Variants in ITGB1 observed in about 807,000 individuals in gnomAD.
ITGB1 encodes the protein integrin subunit beta 1.
In ITGB1, 24 loss-of-function variants were observed where a neutral mutation model predicts 86.5. The ratio of observed to expected loss-of-function variants is 0.28; its 90% CI spans 0.20 to 0.39. The LOEUF (loss-of-function observed/expected upper bound fraction) is 0.39, where lower values mean the gene tolerates loss of function less well. Ranked by LOEUF, ITGB1 falls within the 10% of genes least tolerant of loss-of-function variation. ITGB1 has a pLI of 1.00. For missense variants in ITGB1, 556 were observed against 946.9 expected (o/e 0.59, Z 5.42); for synonymous variants, 323 against 316.8 (o/e 1.02, Z -0.21).
intron 1 of ITGB1, among the ~76,000 whole-genome samples, chr10:32,952,061 G>A (rs996097939): frequency 1.3e-5 from 2 of 152,054 alleles, no homozygotes; most frequent in African/African-American, 2.4e-5. Flanking sequence ...AGTGCATACA[G>A]TATTTTAAAT....
chr10:32,931,106 T>C lies in ITGB1; in HGVS notation c.154-1062A>G, dbSNP rs557794703. ...GAGAAACATCATACTAATGAGAGTA[T>C]TTATGTAATCAACAACTGGAAGGGA... On this transcript the variant is annotated intron_variant, in intron 3 of 15. Coordinates refer to ENST00000302278, the MANE Select transcript of ITGB1 (RefSeq NM_002211.4). Among the ~76,000 whole-genome samples, 82 of 152,228 alleles carry C rather than the reference T, an allele frequency of 5.4e-4. No individual in the cohort carries two copies. The Middle Eastern group carries it at 0.01, about 19-fold the overall frequency.
At chr10:32,922,373 A>G in intron 8 of ITGB1, 27 bp from the exon 9 acceptor site, 1 of 1,433,404 alleles carries the variant, frequency 7.0e-7, no homozygotes, top group Non-Finnish European at 9.8e-7. Flanking sequence ...AAACACGTAA[A>G]ATACAACTGC....
chr10:32,934,243 GA>G (rs923979282), intron 2 of ITGB1, among the ~76,000 whole-genome samples: 2 of 151,944 alleles, frequency 1.3e-5, no homozygotes, highest in Middle Eastern at 3.2e-3. Context: ...AAAAATGGGG[GA>G]AAAAAGTGTC....
rs367984438 is a variant in ITGB1, at chr10:32,938,468, A to C, written c.1-2910T>G. Among the ~76,000 whole-genome samples, 9 of 152,246 alleles carry C rather than the reference A, an allele frequency of 5.9e-5. No individual in the cohort carries two copies. In the East Asian group the frequency reaches 1.2e-3, roughly 20 times the overall value. ...CATACAATTTAGACAATCACCACTA[A>C]GATGAAGTTATTAGGTAACAGAAAA... On this transcript the variant is annotated intron_variant, in intron 1 of 15. Transcript: ENST00000302278.
chr10:32,905,881 G>A (rs1006702158), intron 15 of ITGB1, among the ~76,000 whole-genome samples: 23 of 152,156 alleles, frequency 1.5e-4, no homozygotes, highest in Admixed American at 1.2e-3. Context: ...AAGAGAAGAA[G>A]AGTTCTCAAC....
chr10:32,932,405 T>C (rs2094986377), intron 3 of ITGB1, 110 bp downstream of exon 3: 5 of 698,752 alleles, frequency 7.2e-6, no homozygotes, highest in Admixed American at 2.2e-5. Flanking sequence ...CATTAGGTTA[T>C]TCATTTTATG....
At chr10:32,944,706 C>CA (rs1292983321) in intron 1 of ITGB1, 6 of 681,974 alleles carry the variant, frequency 8.8e-6, no homozygotes, top group Non-Finnish European at 1.7e-5. Context: ...GCTTCTTAGA[C>CA]AGACAAAGTG....
At chr10:32,949,965 T>C (rs138080702) in intron 1 of ITGB1, among the ~76,000 whole-genome samples, 4 of 152,288 alleles carry the variant, frequency 2.6e-5, no homozygotes, top group African/African-American at 9.6e-5. Flanking sequence ...ACATGTTATG[T>C]TCATTTCAGA....
intron 15 of ITGB1, among the ~76,000 whole-genome samples, chr10:32,903,351 C>CA (rs35559257): frequency 0.062 from 3,499 of 56,678 alleles, 300 homozygotes; most frequent in African/African-American, 0.2. Context: ...GACTCCATCT[C>CA]AAAAAAAAAA....
chr10:32,922,073 C>T (rs1032276770), intron 9 of ITGB1, among the ~76,000 whole-genome samples, 184 bp downstream of exon 9: 1 of 152,006 alleles, frequency 6.6e-6, no homozygotes, highest in Admixed American at 6.5e-5. Flanking sequence ...TTTGTTTAGG[C>T]CATGAATCTT....
chr10:32,939,722 AAGTGAGTGAGTGAGTGAGTGAGTG>A (rs3035177), intron 1 of ITGB1, among the ~76,000 whole-genome samples: 56 of 149,880 alleles, frequency 3.7e-4, no homozygotes, highest in African/African-American at 1.3e-3. Flanking sequence ...CTGGGTGGGT[AAGTGAGTGAGTGAGTGAGTGAGTG>A]AGTGAGTGAG....
intron 8 of ITGB1, 24 bp downstream of exon 8, chr10:32,922,616 G>T: frequency 7.3e-7 from 1 of 1,373,286 alleles, no homozygotes; most frequent in Non-Finnish European, 1.0e-6. Context: ...TTAGAATCTT[G>T]TTCTTTTTAT....
In ITGB1 at chr10:32,900,434, T is replaced by G. The variant is rs1466170029; in HGVS notation, c.*1136A>C. 6.6e-6 allele frequency: 1 copy of G among 152,172 alleles called. No homozygotes were observed. The highest frequency in any genetic ancestry group is 6.6e-5 in the Admixed American group (1 of 15,202). The allele number at this position is 152,172 out of a possible 1,614,324, so 9.4% of individuals were successfully genotyped here. On this transcript the variant is annotated 3_prime_UTR_variant, in exon 16 of 16. Coordinates refer to ENST00000302278, the MANE Select transcript of ITGB1 (RefSeq NM_002211.4). The stretch of plus-strand genomic sequence containing the variant: ...AGGCATATTTAATAAATAACTTCAG[T>G]AAATAGCACTGTAAAAAGTGAACTG...
At chr10:32,932,092 T>C (rs2137231157) in intron 3 of ITGB1, among the ~76,000 whole-genome samples, 1 of 152,208 alleles carries the variant, frequency 6.6e-6, no homozygotes. Flanking sequence ...ACTAAATGAC[T>C]AGGATTTTTT....
At chr10:32,901,689 AG>A in intron 15 of ITGB1, 54 bp from the exon 16 acceptor site, 2 of 1,146,026 alleles carry the variant, frequency 1.7e-6, no homozygotes, top group Non-Finnish European at 2.6e-6. Flanking sequence ...AAAATTATGT[AG>A]AATAATTTTT....
At chr10:32,918,668 T>G (rs571023052) in intron 11 of ITGB1, among the ~76,000 whole-genome samples, 3 of 152,146 alleles carry the variant, frequency 2.0e-5, no homozygotes, top group Admixed American at 6.5e-5. Flanking sequence ...GAATGACACA[T>G]GTGGAAAGGC....
In ITGB1 at chr10:32,908,436, T is replaced by G. The variant is rs1453855258; in HGVS notation, c.2263A>C (p.Met755Leu). ...LALLLIWKLL[M>L]IIHDRREFAK... ...AACTCCCTTCTGTCATGAATTATCA[T>G]TAAAAGCTTCCATATCAGCAGTAAT... Residue 755 changes from methionine (M) to leucine (L), a missense_variant, in exon 15 of 16, where the codon ATG becomes CTG. Physicochemically the swap from Met to Leu is conservative, Grantham distance 15 (BLOSUM62 2). Around this residue, in one of 4 missense-constraint regions of ITGB1, gnomAD observed 18 missense variants for 75.2 expected, o/e 0.24. Coordinates refer to ENST00000302278, the MANE Select transcript of ITGB1 (RefSeq NM_002211.4). 2 of 1,613,070 alleles carry G rather than the reference T, an allele frequency of 1.2e-6. No homozygotes were observed. Among genetic ancestry groups the G allele is most frequent in the Non-Finnish European group, 1.7e-6 (2 of 1,179,144 alleles).
At chr10:32,940,635 T>C (rs1410908498) in intron 1 of ITGB1, among the ~76,000 whole-genome samples, 1 of 152,214 alleles carries the variant, frequency 6.6e-6, no homozygotes, top group East Asian at 1.9e-4. Context: ...CACATAACTG[T>C]GTAACTGATG....
intron 1 of ITGB1, among the ~76,000 whole-genome samples, chr10:32,943,206 T>C (rs1003351191): frequency 3.3e-5 from 5 of 152,162 alleles, no homozygotes; most frequent in Admixed American, 6.5e-5. Context: ...AGCCAACTTA[T>C]AGATAGATAT....
Sources: allele counts gnomAD v4.1 joint callset (sites outside exome capture counted in the v4.1 genomes callset), GRCh38; gene constraint gnomAD v4.1.1; regional missense constraint gnomAD v4.1.1; transcripts MANE v1.5; gene names NCBI Gene and HGNC (gene_info 2026-07-23, HGNC 2026-07-21).